CHN2: variants seen among roughly 807,000 people sequenced by gnomAD.
CHN2 encodes the protein chimerin 2.
In CHN2, 35 loss-of-function variants were observed where a neutral mutation model predicts 56.3. That is an observed-to-expected ratio of 0.62 (90% CI 0.47 to 0.82). CHN2 has a LOEUF of 0.82. Among genes scored for constraint, CHN2 ranks in the 40% least tolerant of loss-of-function variants. The pLI, the probability that CHN2 is intolerant of heterozygous loss-of-function variation, is 0.00. For synonymous variants in CHN2, 210 were observed against 212.8 expected, an observed-to-expected ratio of 0.99 and a Z score of 0.12; for missense variants, 491 against 580.5, an observed-to-expected ratio of 0.85 and a Z score of 1.58.
chr7:29,264,122 G>A (rs1204759481), intron 1 of CHN2, among the ~76,000 whole-genome samples: 1 of 147,026 alleles, frequency 6.8e-6, no homozygotes, highest in African/African-American at 2.4e-5. Flanking sequence ...GAAGTGAGGA[G>A]CCCCTCTGCC....
At chr7:29,162,993 T>A (rs948762958) in intron 2 of CHN2, among the ~76,000 whole-genome samples, 1 of 152,240 alleles carries the variant, frequency 6.6e-6, no homozygotes, top group Admixed American at 6.5e-5. Context: ...GAAATATGCA[T>A]GAGGTGTAGT....
chr7:29,228,989 G>A (rs1786454119), intron 1 of CHN2, among the ~76,000 whole-genome samples: 1 of 152,160 alleles, frequency 6.6e-6, no homozygotes, highest in Non-Finnish European at 1.5e-5. Flanking sequence ...CTCCTTTCTG[G>A]TCCATGGATT....
chr7:29,243,073 G>A (rs992103198), intron 1 of CHN2, among the ~76,000 whole-genome samples: 1 of 152,054 alleles, frequency 6.6e-6, no homozygotes, highest in Non-Finnish European at 1.5e-5. Context: ...TGTTTTCTGT[G>A]AGCTGGGTTA....
At position 29,425,319 on chromosome 7, in the gene CHN2, G is replaced by A. The variant is rs375644071; in HGVS notation, c.576+24491G>A. 1.3e-4 allele frequency among the ~76,000 whole-genome samples: 20 copies of A among 152,374 alleles called. No homozygotes were observed. The East Asian group carries it at 1.9e-3, about 15-fold the overall frequency. The stretch of plus-strand genomic sequence containing the variant: ...CACTACTGCAATCAGCAGCATCCAA[G>A]ATGGTGGGTGCTGCCAGCTGAGTCC... On this transcript the variant is annotated intron_variant, in intron 6 of 12. Coordinates refer to ENST00000222792, the MANE Select transcript of CHN2 (RefSeq NM_004067.4).
chr7:29,361,728 G>A (rs1249698007), intron 2 of CHN2, among the ~76,000 whole-genome samples: 1 of 152,138 alleles, frequency 6.6e-6, no homozygotes, highest in Non-Finnish European at 1.5e-5. Flanking sequence ...CATAGGAGAG[G>A]AACTGTCCAG....
intron 1 of CHN2, among the ~76,000 whole-genome samples, chr7:29,326,798 A>G (rs1795836327): frequency 6.6e-6 from 1 of 152,174 alleles, no homozygotes. Context: ...GATCCTTCAT[A>G]GAGTATAGTA....
intron 6 of CHN2, among the ~76,000 whole-genome samples, chr7:29,468,819 C>T (rs183379539): frequency 4.6e-5 from 7 of 152,310 alleles, no homozygotes; most frequent in African/African-American, 1.4e-4. Flanking sequence ...CCTTGTCTTT[C>T]TTTGTGACTA....
chr7:29,352,940 T>G (rs1797996538), intron 1 of CHN2, among the ~76,000 whole-genome samples: 3 of 152,222 alleles, frequency 2.0e-5, no homozygotes, highest in Admixed American at 2.0e-4. Flanking sequence ...ATTGGTTGTT[T>G]GGGTTAAAGC....
chr7:29,335,354 A>G (rs6948237), intron 1 of CHN2, among the ~76,000 whole-genome samples: 34,411 of 152,252 alleles, frequency 0.23, 4,372 homozygotes, highest in Non-Finnish European at 0.29. Flanking sequence ...CTCAGACATT[A>G]CTACTAATTG....
At chr7:29,404,739 T>C (rs1802493368) in intron 6 of CHN2, among the ~76,000 whole-genome samples, 1 of 152,198 alleles carries the variant, frequency 6.6e-6, no homozygotes, top group South Asian at 2.1e-4. Context: ...TATGTATTTA[T>C]TATTTTTTAA....
chr7:29,382,097 G>T (rs1224766253), intron 3 of CHN2, among the ~76,000 whole-genome samples: 1 of 152,100 alleles, frequency 6.6e-6, no homozygotes, highest in Non-Finnish European at 1.5e-5. Context: ...GGATCGACAG[G>T]GTTGATATAT....
At chr7:29,401,873 A>G (rs544219722) in intron 6 of CHN2, among the ~76,000 whole-genome samples, 1 of 152,226 alleles carries the variant, frequency 6.6e-6, no homozygotes, top group South Asian at 2.1e-4. Context: ...CCCTTGAGGG[A>G]CCATCTGCTT....
At chr7:29,323,764 G>A (rs1352878974) in intron 1 of CHN2, among the ~76,000 whole-genome samples, 5 of 151,990 alleles carry the variant, frequency 3.3e-5, no homozygotes, top group African/African-American at 9.7e-5. Context: ...TTGGGAGGCC[G>A]AGGCGGGCGG....
chr7:29,157,845 A>C (rs1053897335), intron 2 of CHN2, among the ~76,000 whole-genome samples: 4 of 150,844 alleles, frequency 2.7e-5, no homozygotes, highest in Admixed American at 2.7e-4. Context: ...CTAAAAAAAA[A>C]ATCCTTCTAT....
intron 6 of CHN2, among the ~76,000 whole-genome samples, chr7:29,421,167 T>C (rs556088281): frequency 2.0e-5 from 3 of 152,138 alleles, no homozygotes; most frequent in African/African-American, 7.2e-5. Context: ...CCAACACCTT[T>C]CTTGTACTTT....
chr7:29,251,764 T>C (rs1330920735), intron 1 of CHN2, among the ~76,000 whole-genome samples: 1 of 152,246 alleles, frequency 6.6e-6, no homozygotes, highest in African/African-American at 2.4e-5. Flanking sequence ...TGTGAGTGTT[T>C]ACTTTCAACT....
At chr7:29,366,588 G>T (rs1799180657) in intron 2 of CHN2, among the ~76,000 whole-genome samples, 1 of 152,192 alleles carries the variant, frequency 6.6e-6, no homozygotes, top group South Asian at 2.1e-4. Flanking sequence ...TCTACAGGGA[G>T]GCAGGTGTGT....
rs568631191 is a variant in CHN2 at position 29,222,668 on chromosome 7, T to TAC, written c.49+27679_49+27680insCA. 1.5e-3 allele frequency among the ~76,000 whole-genome samples: 235 copies of TAC among 152,312 alleles called. 1 individual carries two copies. The highest frequency in any genetic ancestry group is 5.3e-3 in the African/African-American group (220 of 41,588). On this transcript the variant is annotated intron_variant, in intron 1 of 12. Transcript: ENST00000222792. ...TGCCTGGATTAGAGGATTGTAAAGA[T>TAC]AGTTTCCCCTAATTTGATTAATAGA...
intron 1 of CHN2, among the ~76,000 whole-genome samples, chr7:29,303,375 C>G (rs1016301085): frequency 6.6e-6 from 1 of 152,220 alleles, no homozygotes; most frequent in African/African-American, 2.4e-5. Flanking sequence ...TAGGACCCAC[C>G]TGGGTTGTCT....
Sources: gnomAD v4.1 joint callset for allele counts (sites outside exome capture counted in the v4.1 genomes callset) on GRCh38, gnomAD v4.1.1 for gene constraint, MANE v1.5 for transcripts, NCBI Gene and HGNC (gene_info 2026-07-23, HGNC 2026-07-21) for gene names.